The following NRXN3 variants were observed in gnomAD, a reference collection of about 807,000 sequenced individuals.
NRXN3 encodes the protein neurexin III.
NRXN3 carries 32 observed loss-of-function variants against 137.6 expected under a neutral mutation model. That is an observed-to-expected ratio of 0.23 (90% CI 0.18 to 0.31). The LOEUF is 0.31. Ranked by LOEUF, NRXN3 falls within the 10% of genes least tolerant of loss-of-function variation. The pLI, the probability that NRXN3 is intolerant of heterozygous loss-of-function variation, is 1.00. For synonymous variants in NRXN3, 798 were observed against 784.5 expected, an observed-to-expected ratio of 1.02 and a Z score of -0.29; for missense variants, 1,574 against 2,062.5, an observed-to-expected ratio of 0.76 and a Z score of 4.59.
intron 4 of NRXN3, among the ~76,000 whole-genome samples, chr14:78,397,697 G>A (rs1451385203): frequency 4.0e-5 from 6 of 151,498 alleles, no homozygotes; most frequent in African/African-American, 7.3e-5. Flanking sequence ...TCTACCTCCC[G>A]GGTTCAAGTG....
chr14:78,517,159 C>T (rs11629123), intron 4 of NRXN3, among the ~76,000 whole-genome samples: 44,794 of 152,006 alleles, frequency 0.29, 8,306 homozygotes, highest in Admixed American at 0.38. Flanking sequence ...GGTTTTCTTT[C>T]TCATGGGGTG....
intron 8 of NRXN3, among the ~76,000 whole-genome samples, chr14:78,790,368 G>A (rs147249160): frequency 6.6e-6 from 1 of 152,292 alleles, no homozygotes; most frequent in East Asian, 1.9e-4. Context: ...ATGACCATAT[G>A]TAATGGCAGG....
At position 78,243,741 on chromosome 14, in the gene NRXN3, G is replaced by A. The variant is rs2067295091; in HGVS notation, c.648G>A (p.Leu216=). The stretch of plus-strand genomic sequence containing the variant: ...AAAATGGTGGGATCTGCTTTCTCCT[G>A]GACGGCCACCCCACCTGTGACTGTT... ...PCENGGICFL[L]DGHPTCDCST... The change falls in exon 2 of 21, where the codon CTG becomes CTA. Residue 216 remains leucine, a synonymous_variant. Transcript: ENST00000335750. This position sits in a 1 kb window ranked among gnomAD's most constrained non-coding sequence, Gnocchi z 4.2. The A allele has an allele frequency of 6.3e-7, 1 of 1,597,880 alleles. No individual in the cohort carries two copies. Among genetic ancestry groups the A allele is most frequent in the Admixed American group, 1.7e-5 (1 of 59,954 alleles).
Position 79,209,218 on chromosome 14 carries a change from G to C in NRXN3, c.3262+221077G>C, listed in dbSNP as rs1473594899. On this transcript the variant is annotated intron_variant, in intron 15 of 20. Transcript: ENST00000335750. ...CTCCCAAAGTGCTGGGATTATAGGC[G>C]TGAGCCACTGCGCCCGGTGTGAAAA... 4.6e-5 allele frequency among the ~76,000 whole-genome samples: 7 copies of C among 152,086 alleles called. No individual in the cohort carries two copies. The East Asian group carries it at 1.3e-3, about 29-fold the overall frequency.
chr14:79,144,514 A>G (rs2059113003), intron 15 of NRXN3, among the ~76,000 whole-genome samples: 2 of 152,098 alleles, frequency 1.3e-5, no homozygotes, highest in Non-Finnish European at 2.9e-5. Flanking sequence ...ATTGTTTACC[A>G]CCCATCATGC....
At chr14:79,150,124 T>C (rs2059666309) in intron 15 of NRXN3, among the ~76,000 whole-genome samples, 1 of 152,074 alleles carries the variant, frequency 6.6e-6, no homozygotes, top group African/African-American at 2.4e-5. Context: ...TTGCATGTGG[T>C]TGAAAATGAC....
rs142003687 is a variant in NRXN3, at chr14:78,976,879, G to T, written c.3142+8533G>T. 5.1e-3 allele frequency among the ~76,000 whole-genome samples: 769 copies of T among 152,256 alleles called. 3 individuals are homozygous for T. Among genetic ancestry groups the T allele is most frequent in the Non-Finnish European group, 8.2e-3 (557 of 68,014 alleles). On this transcript the variant is annotated intron_variant, in intron 14 of 20. Transcript: ENST00000335750. Reference sequence around the variant, plus strand: ...GATTATTGTCCTTTCTAGCAGAATTGCTGATGATCTTTATTGAGAGTCTCC... The same window carrying T: ...GATTATTGTCCTTTCTAGCAGAATTTCTGATGATCTTTATTGAGAGTCTCC...
At chr14:79,485,109 A>G (rs936188879) in intron 16 of NRXN3, among the ~76,000 whole-genome samples, 2 of 151,846 alleles carry the variant, frequency 1.3e-5, no homozygotes, top group Non-Finnish European at 2.9e-5. Flanking sequence ...TTGTTCTCTA[A>G]TTAGGGGTCT....
At chr14:78,233,680 G>A (rs1337809708) in intron 1 of NRXN3, among the ~76,000 whole-genome samples, 1 of 109,592 alleles carries the variant, frequency 9.1e-6, no homozygotes, top group African/African-American at 3.9e-5. Context: ...TCCAATTTAA[G>A]TATGCTTCAA....
At chr14:78,367,649 G>A (rs1258854168) in intron 4 of NRXN3, among the ~76,000 whole-genome samples, 1 of 152,140 alleles carries the variant, frequency 6.6e-6, no homozygotes, top group Non-Finnish European at 1.5e-5. Flanking sequence ...ACCTGCCTTT[G>A]GGAAGGACTT....
intron 16 of NRXN3, among the ~76,000 whole-genome samples, chr14:79,578,240 G>A (rs1452726417): frequency 1.3e-4 from 20 of 152,164 alleles, no homozygotes. Context: ...AAGTGAGAGA[G>A]CTCCAGATGT....
intron 16 of NRXN3, among the ~76,000 whole-genome samples, chr14:79,602,448 G>A (rs186940941): frequency 6.6e-6 from 1 of 152,276 alleles, no homozygotes; most frequent in Admixed American, 6.5e-5. Context: ...AGTGCACAGT[G>A]TTTCTTCATC....
At chr14:78,983,511 T>C (rs1181167652) in intron 14 of NRXN3, among the ~76,000 whole-genome samples, 1 of 152,198 alleles carries the variant, frequency 6.6e-6, no homozygotes, top group Non-Finnish European at 1.5e-5. Flanking sequence ...TGTTTGAGTT[T>C]CTTACATATT....
chr14:79,708,569 G>T (rs539748708), intron 19 of NRXN3, among the ~76,000 whole-genome samples: 2 of 151,218 alleles, frequency 1.3e-5, no homozygotes, highest in Non-Finnish European at 2.9e-5. Context: ...AGCAGCAATC[G>T]TCACTTGCCA....
intron 4 of NRXN3, among the ~76,000 whole-genome samples, chr14:78,635,743 G>A (rs1482445636): frequency 2.6e-5 from 4 of 152,126 alleles, no homozygotes; most frequent in South Asian, 2.1e-4. Flanking sequence ...GAAAGGATAT[G>A]TAAGTTTGTG....
intron 8 of NRXN3, among the ~76,000 whole-genome samples, chr14:78,725,182 C>T (rs2098477480): frequency 6.6e-6 from 1 of 152,194 alleles, no homozygotes; most frequent in South Asian, 2.1e-4. Context: ...TTTCAGATTT[C>T]AATCTTCTCT....
At chr14:79,251,431 T>C (rs1480512231) in intron 15 of NRXN3, among the ~76,000 whole-genome samples, 5 of 152,098 alleles carry the variant, frequency 3.3e-5, no homozygotes, top group African/African-American at 1.2e-4. Flanking sequence ...TGAGCCTGAA[T>C]AAATGGAAAA....
chr14:78,590,583 G>A (rs1315787550), intron 4 of NRXN3, among the ~76,000 whole-genome samples: 1 of 152,138 alleles, frequency 6.6e-6, no homozygotes, highest in Non-Finnish European at 1.5e-5. Context: ...GCTTGCATAG[G>A]TCTGAAAATG....
intron 4 of NRXN3, among the ~76,000 whole-genome samples, chr14:78,547,946 G>A (rs2096651949): frequency 6.6e-6 from 1 of 152,056 alleles, no homozygotes; most frequent in African/African-American, 2.4e-5. Context: ...TACAGTTCAG[G>A]TAAAATTGAA....
Sources: gnomAD v4.1 joint callset for allele counts (sites outside exome capture counted in the v4.1 genomes callset) on GRCh38, gnomAD v4.1.1 for gene constraint, Gnocchi (gnomAD v3.1) non-coding constraint, MANE v1.5 for transcripts, NCBI Gene and HGNC (gene_info 2026-07-23, HGNC 2026-07-21) for gene names.